The following GRIN3A variants were observed in gnomAD, a reference collection of about 807,000 sequenced individuals.
GRIN3A encodes the protein glutamate receptor ionotropic, NMDA 3A.
Under a neutral mutation model 92.4 loss-of-function variants are expected in GRIN3A, and 47 were observed. The observed-to-expected ratio is 0.51, with a 90% confidence interval of 0.40 to 0.65. The LOEUF is 0.65. Ranked by LOEUF, GRIN3A falls within the 30% of genes least tolerant of loss-of-function variation. GRIN3A has a pLI of 0.00. For missense variants in GRIN3A, 1,324 were observed against 1,393.1 expected, an observed-to-expected ratio of 0.95 and a Z score of 0.79; for synonymous variants, 527 against 540.6, an observed-to-expected ratio of 0.97 and a Z score of 0.35.
At chr9:101,698,848 T>G (rs1829717837) in intron 1 of GRIN3A, among the ~76,000 whole-genome samples, 1 of 152,030 alleles carries the variant, frequency 6.6e-6, no homozygotes, top group Non-Finnish European at 1.5e-5. Flanking sequence ...TCTTGTATTT[T>G]TAGTAGAGAT....
chr9:101,629,613 C>G (rs565660334), intron 3 of GRIN3A, among the ~76,000 whole-genome samples: 1 of 152,180 alleles, frequency 6.6e-6, no homozygotes, highest in Non-Finnish European at 1.5e-5. Context: ...GTTCCATGCA[C>G]TGAACAAATT....
chr9:101,592,307 C>T (rs191915229), intron 6 of GRIN3A: 263 of 152,278 alleles, frequency 1.7e-3, no homozygotes, highest in African/African-American at 6.2e-3. Flanking sequence ...ACCAGTAAGC[C>T]TCATGTCTCC....
In GRIN3A at chr9:101,624,616, G is replaced by A. The variant is rs559805939; in HGVS notation, c.2499-1183C>T. Reference sequence around the variant, plus strand: ...ATATGTGCCACATTTTCTTAATCCAGTCTATCGTTGTTGGACATTTGGGTT... The same window carrying A: ...ATATGTGCCACATTTTCTTAATCCAATCTATCGTTGTTGGACATTTGGGTT... On this transcript the variant is annotated intron_variant, in intron 4 of 8. Transcript: ENST00000361820. Among the ~76,000 whole-genome samples, 853 of 152,114 alleles carry A rather than the reference G, an allele frequency of 5.6e-3. 7 individuals carry two copies. The highest frequency in any genetic ancestry group is 0.02 in the African/African-American group (821 of 41,470).
chr9:101,737,678 G>T lies in GRIN3A; in HGVS notation c.302C>A (p.Thr101Asn). ...GCCCGGCGGCCCCCGGCCATGCAGG[G>T]TGCTCCCCAACCAGCGTGCGCCCGG... ...PSPGARWLGS[T>N]LHGRGPPGSR... The change falls in exon 1 of 9, where the codon ACC (threonine) becomes AAC (asparagine). Residue 101 changes from threonine to asparagine, a missense_variant. Transcript: ENST00000361820. 6.3e-7 allele frequency: 1 copy of T among 1,582,480 alleles called. No homozygotes were observed. The highest frequency in any genetic ancestry group is 8.6e-7 in the Non-Finnish European group (1 of 1,167,662).
intron 5 of GRIN3A, among the ~76,000 whole-genome samples, chr9:101,622,793 A>G (rs1487386970): frequency 6.6e-6 from 1 of 152,182 alleles, no homozygotes; most frequent in Admixed American, 6.5e-5. Flanking sequence ...TCAAATGAGT[A>G]GATTGCATTA....
chr9:101,737,793 G>A lies in GRIN3A; in HGVS notation c.187C>T (p.Arg63Cys), dbSNP rs1444689240. 9 of 1,529,526 alleles carry A rather than the reference G, an allele frequency of 5.9e-6. No individual in the cohort carries two copies. Among genetic ancestry groups the A allele is most frequent in the Non-Finnish European group, 7.9e-6 (9 of 1,144,298 alleles). 94.7% of individuals were successfully genotyped at this position (1,529,526 alleles called of 1,614,324 possible). A position where few individuals can be genotyped will look rare whatever the true frequency, so the allele number is the denominator to read the frequency against. The change falls in exon 1 of 9, where the codon CGC (arginine) becomes TGC (cysteine). Residue 63 changes from arginine to cysteine, a missense_variant. Physicochemically the swap from Arg to Cys is radical, Grantham distance 180. Transcript: ENST00000361820. ...VHLQPWTTAPRAASRAPDDSR... is the reference protein window; with the variant it reads ...VHLQPWTTAPCAASRAPDDSR... Reference sequence around the variant, plus strand: ...TCGTCCGGAGCGCGGCTGGCCGCGCGGGGGGCGGTGGTCCAGGGCTGCAAG... The same window carrying A: ...TCGTCCGGAGCGCGGCTGGCCGCGCAGGGGGCGGTGGTCCAGGGCTGCAAG...
chr9:101,686,895 G>T lies in GRIN3A; in HGVS notation c.1005C>A (p.Ile335=). The change falls in exon 2 of 9, where the codon ATC becomes ATA. Residue 335 remains isoleucine (I), a synonymous_variant. Transcript: ENST00000361820. ...GGGTTGTAATTTCGAAAATCCGCCG[G>T]ATACTTTCCATGTCGCAGCCAAACA... ...VVMFGCDMES[I]RRIFEITTQF... 6 of 1,614,182 alleles carry T rather than the reference G, an allele frequency of 3.7e-6. No individual in the cohort carries two copies. Among genetic ancestry groups the T allele is most frequent in the Non-Finnish European group, 4.2e-6 (5 of 1,180,032 alleles).
chr9:101,677,864 G>A (rs1313632603), intron 2 of GRIN3A, among the ~76,000 whole-genome samples: 3 of 152,050 alleles, frequency 2.0e-5, no homozygotes, highest in African/African-American at 7.2e-5. Context: ...ATGACTCCTT[G>A]ACTCTCCTCT....
chr9:101,641,460 A>G (rs2118901158), intron 3 of GRIN3A, among the ~76,000 whole-genome samples: 1 of 152,358 alleles, frequency 6.6e-6, no homozygotes, highest in East Asian at 1.9e-4. Context: ...GCAGTTCATG[A>G]TGAGTTCATG....
intron 2 of GRIN3A, among the ~76,000 whole-genome samples, chr9:101,679,684 C>A (rs1222838582): frequency 6.6e-6 from 1 of 152,068 alleles, no homozygotes; most frequent in Non-Finnish European, 1.5e-5. Context: ...CCTTAGTAGC[C>A]CTAGCAGAGA....
At chr9:101,594,365 G>A (rs1290568793) in intron 6 of GRIN3A, 1 of 1,542,010 alleles carries the variant, frequency 6.5e-7, no homozygotes, top group Non-Finnish European at 8.7e-7. Flanking sequence ...AAAGAGATAG[G>A]GAAGAAAGCA....
intron 1 of GRIN3A, among the ~76,000 whole-genome samples, chr9:101,729,340 TTTGCTGGGCTAAAG>T (rs1259687280): frequency 6.6e-6 from 1 of 152,150 alleles, no homozygotes; most frequent in Non-Finnish European, 1.5e-5. Context: ...TGAAATATGT[TTTGCTGGGCTAAAG>T]TCAAGGGTGG....
chr9:101,678,396 G>A (rs1258548993), intron 2 of GRIN3A, among the ~76,000 whole-genome samples: 1 of 152,168 alleles, frequency 6.6e-6, no homozygotes, highest in East Asian at 1.9e-4. Context: ...AGTTTAATAG[G>A]GTTTGGAAAT....
chr9:101,736,981 C>G (rs565267904), intron 1 of GRIN3A, among the ~76,000 whole-genome samples: 1 of 152,166 alleles, frequency 6.6e-6, no homozygotes, highest in African/African-American at 2.4e-5. Context: ...CGTCGGGCAT[C>G]TACTAGATTT....
chr9:101,695,910 T>C (rs1260903667), intron 1 of GRIN3A, among the ~76,000 whole-genome samples: 1 of 152,140 alleles, frequency 6.6e-6, no homozygotes, highest in Non-Finnish European at 1.5e-5. Context: ...AAAATGCATT[T>C]TCTCTCTTTC....
chr9:101,685,516 C>CAGGTGGTCCTTT (rs1829522881), intron 2 of GRIN3A, among the ~76,000 whole-genome samples: 1 of 151,808 alleles, frequency 6.6e-6, no homozygotes, highest in Non-Finnish European at 1.5e-5. Flanking sequence ...TCTCTGACTA[C>CAGGTGGTCCTTT]AGGTGGTCCT....
chr9:101,608,252 C>T (rs561893630), intron 6 of GRIN3A, among the ~76,000 whole-genome samples: 1 of 152,292 alleles, frequency 6.6e-6, no homozygotes, highest in Admixed American at 6.5e-5. Flanking sequence ...TTCCTCCCTT[C>T]TTCTCATTCC....
At chr9:101,714,840 A>G (rs1312574273) in intron 1 of GRIN3A, among the ~76,000 whole-genome samples, 1 of 152,330 alleles carries the variant, frequency 6.6e-6, no homozygotes, top group Non-Finnish European at 1.5e-5. Flanking sequence ...AAACTGTCAA[A>G]TATTTTGGAA....
At chr9:101,617,205 T>TCAA (rs771904967) in intron 5 of GRIN3A, among the ~76,000 whole-genome samples, 143 of 107,150 alleles carry the variant, frequency 1.3e-3, no homozygotes, top group African/African-American at 4.4e-3. Flanking sequence ...AGACTCCGTC[T>TCAA]AAAAAAAAAA....
Sources: allele counts gnomAD v4.1 joint callset (sites outside exome capture counted in the v4.1 genomes callset), GRCh38; gene constraint gnomAD v4.1.1; transcripts MANE v1.5; gene names NCBI Gene and HGNC (gene_info 2026-07-23, HGNC 2026-07-21).